The following OSBP2 variants were observed in gnomAD, a reference collection of about 807,000 sequenced individuals.
OSBP2 encodes oxysterol binding protein 2.
Under a neutral mutation model 96.0 loss-of-function variants are expected in OSBP2, and 66 were observed. The observed-to-expected ratio is 0.69, with a 90% CI of 0.56 to 0.84. The LOEUF (loss-of-function observed/expected upper bound fraction) is 0.84. Among genes scored for constraint, OSBP2 ranks in the 40% least tolerant of loss-of-function variants. The pLI is 0.00. For synonymous variants in OSBP2, 525 were observed against 520.9 expected (o/e 1.01, Z -0.11); for missense variants, 1,038 against 1,222.7 (o/e 0.85, Z 2.25).
In OSBP2 at chr22:30,695,177, C is replaced by A; in HGVS notation, c.268C>A (p.Pro90Thr). 6.2e-7 allele frequency: 1 copy of A among 1,611,998 alleles called. No individual in the cohort carries two copies. The highest frequency in any genetic ancestry group is 1.7e-4 in the Middle Eastern group (1 of 6,056). ...SEPVSETTSE[P>T]EPGAGQPSEL... ...ACCTGTGTCCGAGACGACGTCTGAG[C>A]CGGAGCCAGGGGCTGGGCAGCCATC... The change falls in exon 1 of 14, where the codon CCG becomes ACG. Residue 90 changes from proline to threonine, a missense_variant. Coordinates refer to ENST00000332585, the MANE Select transcript of OSBP2 (RefSeq NM_030758.4).
intron 12 of OSBP2, 92 bp from the exon 13 acceptor site, chr22:30,905,745 G>A: frequency 8.6e-7 from 1 of 1,156,808 alleles, no homozygotes; most frequent in African/African-American, 3.8e-5. Flanking sequence ...AGGCGACCCG[G>A]GAGGAGACAC....
At chr22:30,714,741 C>T (rs1428638508) in intron 1 of OSBP2, among the ~76,000 whole-genome samples, 9 of 152,048 alleles carry the variant, frequency 5.9e-5, no homozygotes, top group Non-Finnish European at 5.9e-5. Context: ...CTCAGCCTCC[C>T]GAGTAGCTGG....
intron 2 of OSBP2, among the ~76,000 whole-genome samples, chr22:30,831,331 C>T (rs1355989500): frequency 6.6e-6 from 1 of 152,158 alleles, no homozygotes; most frequent in Non-Finnish European, 1.5e-5. Context: ...CTTACTAGTT[C>T]AGTTATTATT....
chr22:30,809,372 GA>G (rs1259517300), intron 2 of OSBP2, among the ~76,000 whole-genome samples: 2 of 152,196 alleles, frequency 1.3e-5, no homozygotes, highest in African/African-American at 4.8e-5. Context: ...AGTGTATGAT[GA>G]AGACTCTGAG....
At chr22:30,724,612 G>A (rs572715044) in intron 1 of OSBP2, among the ~76,000 whole-genome samples, 1 of 152,276 alleles carries the variant, frequency 6.6e-6, no homozygotes, top group African/African-American at 2.4e-5. Context: ...TATCTGTTCA[G>A]TCACTGAAGG....
In OSBP2 at chr22:30,893,742, G is replaced by T. The variant is rs1209918194; in HGVS notation, c.2190+9G>T. 6.2e-7 allele frequency: 1 copy of T among 1,613,902 alleles called. No individual in the cohort carries two copies. Among genetic ancestry groups the T allele is most frequent in the Non-Finnish European group, 8.5e-7 (1 of 1,179,848 alleles). On this transcript the variant is annotated intron_variant, in intron 11 of 13. Transcript: ENST00000332585. The stretch of plus-strand genomic sequence containing the variant: ...AAGAGGCAGCCCGGAAGGTAAGCAG[G>T]ACCAGCCACCTCTAAGCACCCCAGG...
Position 30,884,189 on chromosome 22 carries a change from C to T in OSBP2, c.1108-3237C>T, listed in dbSNP as rs138585861. The stretch of plus-strand genomic sequence containing the variant: ...AGTCTCACACATCATCAGGATGAGG[C>T]GCATGAGATAAGGAGGTTTCTTTCT... On this transcript the variant is annotated intron_variant, in intron 3 of 13. Transcript: ENST00000332585. Among the ~76,000 whole-genome samples the T allele has an allele frequency of 6.3e-3, 962 of 152,310 alleles. 5 individuals are homozygous for T. Among genetic ancestry groups the T allele is most frequent in the Non-Finnish European group, 9.3e-3 (633 of 68,022 alleles).
chr22:30,774,986 G>A (rs190694670), intron 2 of OSBP2, among the ~76,000 whole-genome samples: 54 of 152,230 alleles, frequency 3.5e-4, no homozygotes, highest in African/African-American at 1.3e-3. Flanking sequence ...TTTCAATGAT[G>A]TTCAATTATG....
chr22:30,751,769 G>A (rs905772319), intron 2 of OSBP2, among the ~76,000 whole-genome samples: 2 of 152,200 alleles, frequency 1.3e-5, no homozygotes, highest in East Asian at 1.9e-4. Context: ...GAGATTAGGC[G>A]CCCAGGGCAC....
chr22:30,721,576 G>A (rs933354267), intron 1 of OSBP2, among the ~76,000 whole-genome samples: 1 of 152,212 alleles, frequency 6.6e-6, no homozygotes, highest in Non-Finnish European at 1.5e-5. Context: ...GTTTCGACAG[G>A]AGTTTACCTG....
intron 2 of OSBP2, among the ~76,000 whole-genome samples, chr22:30,845,895 AAAAG>A (rs2038860358): frequency 6.6e-6 from 1 of 151,894 alleles, no homozygotes; most frequent in African/African-American, 2.4e-5. Context: ...AAAAAAAAAA[AAAAG>A]GCAGTATTTG....
At chr22:30,833,389 G>A (rs749362654) in intron 2 of OSBP2, among the ~76,000 whole-genome samples, 6 of 152,168 alleles carry the variant, frequency 3.9e-5, no homozygotes, top group Non-Finnish European at 8.8e-5. Flanking sequence ...TAAAATAAGC[G>A]TAATTCTGTT....
Position 30,890,851 on chromosome 22 carries a change from TTC to T in OSBP2, c.1751_1752del (p.Ser584CysfsTer38), listed in dbSNP as rs868000921. 2.5e-6 allele frequency: 4 copies of T among 1,613,822 alleles called. No homozygotes were observed. Among genetic ancestry groups the T allele is most frequent in the African/African-American group, 1.3e-5 (1 of 75,052 alleles). The stretch of plus-strand genomic sequence containing the variant: ...GGAGCAGATGTGCCTGGTGGCCGCC[TTC>T]TCTGTGTCCTCCTACTCCACCACAG... ...SVEQMCLVAA[F>X]SVSSYSTTVH... On this transcript the variant is annotated frameshift_variant, in exon 8 of 14. Transcript: ENST00000332585. LOFTEE classifies it high-confidence loss of function. This position sits in a 1 kb window ranked among gnomAD's most constrained non-coding sequence, Gnocchi z 4.4.
chr22:30,728,717 G>A (rs954776921), intron 1 of OSBP2, among the ~76,000 whole-genome samples: 2 of 152,048 alleles, frequency 1.3e-5, no homozygotes, highest in African/African-American at 2.4e-5. Flanking sequence ...GGCTGGTCTC[G>A]AACATCTAAC....
intron 2 of OSBP2, among the ~76,000 whole-genome samples, chr22:30,852,257 G>A (rs2038991401): frequency 6.6e-6 from 1 of 152,016 alleles, no homozygotes; most frequent in African/African-American, 2.4e-5. Flanking sequence ...TTAAACATTT[G>A]GTAGAATTTG....
chr22:30,905,865 TCA>T lies in OSBP2; in HGVS notation c.2405_2406del (p.Ser802Ter). 1 of 1,613,362 alleles carries T rather than the reference TCA, an allele frequency of 6.2e-7. No homozygotes were observed. Among genetic ancestry groups the T allele is most frequent in the Non-Finnish European group, 8.5e-7 (1 of 1,179,684 alleles). The part of the protein sequence containing the change: ...PENAENMYYF[S>X]ELALTLNEHE... ...GAACGCGGAGAACATGTACTACTTC[TCA>T]GAGCTGGCCCTGACCCTCAACGAGC... On this transcript the variant is annotated frameshift_variant, in exon 13 of 14. Coordinates refer to ENST00000332585, the MANE Select transcript of OSBP2 (RefSeq NM_030758.4). LOFTEE classifies it high-confidence loss of function.
At chr22:30,905,407 G>A (rs1003023732) in intron 12 of OSBP2, among the ~76,000 whole-genome samples, 18 of 151,698 alleles carry the variant, frequency 1.2e-4, no homozygotes, top group African/African-American at 1.9e-4. Context: ...CTCCCAAAGC[G>A]CTGGGATTAC....
chr22:30,896,804 C>T (rs1418946787), intron 12 of OSBP2, among the ~76,000 whole-genome samples: 2 of 151,976 alleles, frequency 1.3e-5, no homozygotes, highest in Non-Finnish European at 2.9e-5. Flanking sequence ...CACCACCATG[C>T]CTGGCTAATT....
intron 2 of OSBP2, among the ~76,000 whole-genome samples, chr22:30,824,976 G>A (rs559729443): frequency 2.6e-5 from 4 of 152,288 alleles, no homozygotes; most frequent in Admixed American, 6.5e-5. Flanking sequence ...GTCTGTGCCC[G>A]TCTGTGATTC....
Sources: allele counts gnomAD v4.1 joint callset (sites outside exome capture counted in the v4.1 genomes callset), GRCh38; gene constraint gnomAD v4.1.1; non-coding constraint Gnocchi (gnomAD v3.1); transcripts MANE v1.5; gene names NCBI Gene and HGNC (gene_info 2026-07-23, HGNC 2026-07-21).